DLGAP3: variants seen among roughly 807,000 people sequenced by gnomAD.
DLGAP3 encodes the protein DLG associated protein 3, also known as disks large-associated protein 3.
In DLGAP3, 17 loss-of-function variants were observed where a neutral mutation model predicts 81.2. That is an observed-to-expected ratio of 0.21 (90% CI 0.14 to 0.31). The LOEUF is 0.31. Ranked by LOEUF, DLGAP3 falls within the 10% of genes least tolerant of loss-of-function variation. The probability of loss-of-function intolerance (pLI) is 1.00; values close to 1 mark genes in which losing one functional copy is unlikely to be tolerated. For missense variants in DLGAP3, 1,124 were observed against 1,388.0 expected, an observed-to-expected ratio of 0.81 and a Z score of 3.02; for synonymous variants, 577 against 587.4, an observed-to-expected ratio of 0.98 and a Z score of 0.26.
In DLGAP3 at chr1:34,895,855, C is replaced by T. The variant is rs1639371683; in HGVS notation, c.1386+3814G>A. Among the ~76,000 whole-genome samples the T allele has an allele frequency of 6.6e-6, 1 of 151,722 alleles. No individual in the cohort carries two copies. The highest frequency in any genetic ancestry group is 6.6e-5 in the Admixed American group (1 of 15,186). ...ATAAAAGCCTTTTCAACAAATGATGCTGGGAAAATTGGATATCCGCATTCA... is the reference window on the plus strand; with the variant it reads ...ATAAAAGCCTTTTCAACAAATGATGTTGGGAAAATTGGATATCCGCATTCA... On this transcript the variant is annotated intron_variant, in intron 5 of 11. Transcript: ENST00000373347. The surrounding 1 kb of genome is among the most constrained non-coding windows in gnomAD (Gnocchi z 4.5).
At chr1:34,910,663 A>G (rs977655760) in intron 1 of DLGAP3, among the ~76,000 whole-genome samples, 2 of 152,024 alleles carry the variant, frequency 1.3e-5, no homozygotes, top group African/African-American at 2.4e-5. Flanking sequence ...TAACTCCTAC[A>G]CACCCTTCAG....
At chr1:34,919,109 G>C (rs1398834722) in intron 1 of DLGAP3, among the ~76,000 whole-genome samples, 2 of 152,234 alleles carry the variant, frequency 1.3e-5, no homozygotes, top group East Asian at 3.9e-4. Flanking sequence ...GGAGGGGAGC[G>C]GCTGCAGCAC....
chr1:34,887,484 A>G (rs1278769273), intron 5 of DLGAP3, among the ~76,000 whole-genome samples: 1 of 152,344 alleles, frequency 6.6e-6, no homozygotes, highest in African/African-American at 2.4e-5. Flanking sequence ...ACACCACCAC[A>G]TGAAGACTAA....
chr1:34,885,803 G>A lies in DLGAP3; in HGVS notation c.1601-12C>T, dbSNP rs1639216207. The A allele has an allele frequency of 7.1e-7, 1 of 1,401,776 alleles. No individual in the cohort carries two copies. The highest frequency in any genetic ancestry group is 9.2e-7 in the Non-Finnish European group (1 of 1,082,654). 86.8% of individuals were successfully genotyped at this position (1,401,776 alleles called of 1,614,324 possible). On this transcript the variant is annotated splice_polypyrimidine_tract_variant and intron_variant, in intron 6 of 11. Coordinates refer to ENST00000373347, the MANE Select transcript of DLGAP3 (RefSeq NM_001080418.3). ...TCTGAAGTTGAAGGCTGTGGCCGGC[G>A]AGCGCAGAGACGCAGTGGGTGAGGC...
At chr1:34,896,514 G>A (rs752725334) in intron 5 of DLGAP3, among the ~76,000 whole-genome samples, 6 of 151,788 alleles carry the variant, frequency 4.0e-5, no homozygotes, top group Middle Eastern at 3.2e-3. Context: ...GCTTGAACCC[G>A]GGAGATGGAG....
At chr1:34,886,004 A>G in intron 6 of DLGAP3, 68 bp downstream of exon 6, 8 of 1,446,754 alleles carry the variant, frequency 5.5e-6, no homozygotes, top group African/African-American at 1.4e-5. Flanking sequence ...GTCGAGGGGG[A>G]GGCCAGAACC....
chr1:34,886,003 G>C, intron 6 of DLGAP3, 69 bp downstream of exon 6: 1 of 1,455,856 alleles, frequency 6.9e-7, no homozygotes, highest in Non-Finnish European at 9.4e-7. Context: ...AGTCGAGGGG[G>C]AGGCCAGAAC....
At chr1:34,894,720 A>G (rs1051634766) in intron 5 of DLGAP3, among the ~76,000 whole-genome samples, 72 of 152,244 alleles carry the variant, frequency 4.7e-4, no homozygotes, top group African/African-American at 1.5e-3. Context: ...TGAAAAAATT[A>G]CTAAAGAATA....
intron 4 of DLGAP3, 122 bp downstream of exon 4, chr1:34,899,942 GGAGT>G: frequency 1.1e-6 from 1 of 930,486 alleles, no homozygotes; most frequent in South Asian, 1.4e-5. Flanking sequence ...TACATGGAGT[GGAGT>G]GAGACACCCC....
intron 5 of DLGAP3, among the ~76,000 whole-genome samples, chr1:34,888,064 G>C (rs757766904): frequency 1.5e-4 from 22 of 151,220 alleles, no homozygotes; most frequent in Non-Finnish European, 2.8e-4. Context: ...TCATGGATAA[G>C]GTCCTCGACA....
chr1:34,891,963 A>C (rs1639318007), intron 5 of DLGAP3, among the ~76,000 whole-genome samples: 1 of 152,254 alleles, frequency 6.6e-6, no homozygotes, highest in South Asian at 2.1e-4. Flanking sequence ...ATATTATCTA[A>C]AATGTTCAGT....
In DLGAP3 at chr1:34,868,702, C is replaced by T. The variant is rs570276975; in HGVS notation, c.2388G>A (p.Glu796=). 1 of 1,611,576 alleles carries T rather than the reference C, an allele frequency of 6.2e-7. No individual in the cohort carries two copies. The highest frequency in any genetic ancestry group is 1.3e-5 in the African/African-American group (1 of 75,076). The change falls in exon 9 of 12, where the codon GAG becomes GAA. Residue 796 remains glutamate, a synonymous_variant. Coordinates refer to ENST00000373347, the MANE Select transcript of DLGAP3 (RefSeq NM_001080418.3). This position sits in a 1 kb window ranked among gnomAD's most constrained non-coding sequence, Gnocchi z 7.5. Reference sequence around the variant, plus strand: ...CTGCCCGCAGCATCTTGATGAACCACTCGCCGTCGCGTGGGCAGGGGGATG... The same window carrying T: ...CTGCCCGCAGCATCTTGATGAACCATTCGCCGTCGCGTGGGCAGGGGGATG... ...GRASPCPRDG[E]WFIKMLRAEV... is the part of the protein sequence containing the mutation.
At chr1:34,880,523 A>C (rs1012513614) in intron 8 of DLGAP3, among the ~76,000 whole-genome samples, 1 of 152,036 alleles carries the variant, frequency 6.6e-6, no homozygotes, top group African/African-American at 2.4e-5. Flanking sequence ...CTGAGGTCAG[A>C]AGTTCGAGAC....
At chr1:34,897,908 G>A (rs1327194529) in intron 5 of DLGAP3, among the ~76,000 whole-genome samples, 3 of 152,152 alleles carry the variant, frequency 2.0e-5, no homozygotes, top group African/African-American at 7.2e-5. Context: ...CTGACTTCAG[G>A]CTTTTAAACC....
At chr1:34,871,326 C>T (rs1638977042) in intron 8 of DLGAP3, among the ~76,000 whole-genome samples, 1 of 152,206 alleles carries the variant, frequency 6.6e-6, no homozygotes, top group South Asian at 2.1e-4. Context: ...ACACGCTACT[C>T]CTCTGCCTGA....
In DLGAP3 at chr1:34,915,666, G is replaced by A. The variant is rs116789893; in HGVS notation, c.-134-8229C>T. ...CACAGGAAGCCAACCACGAAGGCTGGCTGGTTGGCTGACTGCCAGGTTCAC... is the reference window on the plus strand; with the variant it reads ...CACAGGAAGCCAACCACGAAGGCTGACTGGTTGGCTGACTGCCAGGTTCAC... On this transcript the variant is annotated intron_variant, in intron 1 of 11. Transcript: ENST00000373347. Among the ~76,000 whole-genome samples the A allele has an allele frequency of 2.4e-3, 369 of 152,304 alleles. 3 individuals are homozygous for A. The highest frequency in any genetic ancestry group is 8.7e-3 in the African/African-American group (360 of 41,562).
rs756633348 is a variant in DLGAP3, at chr1:34,905,052, C to T, written c.332G>A (p.Gly111Asp). Reference sequence around the variant, plus strand: ...AGGAGGCAGGCGGGGGGCACCCTTGCCCTGTGGGTGGCCCACACAGTCTTC... The same window carrying T: ...AGGAGGCAGGCGGGGGGCACCCTTGTCCTGTGGGTGGCCCACACAGTCTTC... Reference protein sequence around the residue: ...TCEDCVGHPQGKGAPRLPPTL... With the variant: ...TCEDCVGHPQDKGAPRLPPTL... The change falls in exon 3 of 12, where the codon GGC becomes GAC. Residue 111 changes from glycine (G) to aspartate (D), a missense_variant. Physicochemically the swap from Gly to Asp is moderately conservative, Grantham distance 94. Around this residue, in one of 9 missense-constraint regions of DLGAP3, gnomAD observed 167 missense variants for 172.1 expected, o/e 0.97. Transcript: ENST00000373347. 10 of 1,599,388 alleles carry T rather than the reference C, an allele frequency of 6.3e-6. No homozygotes were observed. In the Admixed American group the frequency reaches 1.6e-4, roughly 25 times the overall value.
chr1:34,917,888 G>C (rs1384460291), intron 1 of DLGAP3, among the ~76,000 whole-genome samples: 1 of 152,334 alleles, frequency 6.6e-6, no homozygotes, highest in South Asian at 2.1e-4. Context: ...TGGCCAGGCA[G>C]TCCAGAGAGG....
chr1:34,927,776 A>G (rs1285560425), intron 1 of DLGAP3, among the ~76,000 whole-genome samples: 1 of 150,270 alleles, frequency 6.7e-6, no homozygotes, highest in African/African-American at 2.5e-5. Context: ...GCGCAGTGGT[A>G]GAGGGCAGTG....
Sources: allele counts gnomAD v4.1 joint callset (sites outside exome capture counted in the v4.1 genomes callset), GRCh38; gene constraint gnomAD v4.1.1; regional missense constraint gnomAD v4.1.1; non-coding constraint Gnocchi (gnomAD v3.1); transcripts MANE v1.5; gene names NCBI Gene and HGNC (gene_info 2026-07-23, HGNC 2026-07-21).